DNM2: variants seen among roughly 807,000 people sequenced by gnomAD.
DNM2 encodes dynamin-2.
DNM2 carries 15 observed loss-of-function variants against 99.0 expected under a neutral mutation model. The observed-to-expected ratio is 0.15, with a 90% CI of 0.10 to 0.23. DNM2 has a LOEUF of 0.23. Ranked by LOEUF, DNM2 falls within the 10% of genes least tolerant of loss-of-function variation. The pLI, the probability that DNM2 is intolerant of heterozygous loss-of-function variation, is 1.00. For missense variants in DNM2, 742 were observed against 1,189.4 expected (o/e 0.62, Z 5.53); for synonymous variants, 525 against 481.2 (o/e 1.09, Z -1.19).
chr19:10,776,046 C>A, intron 4 of DNM2, 140 bp downstream of exon 4: 1 of 1,091,662 alleles, frequency 9.2e-7, no homozygotes, highest in Non-Finnish European at 1.3e-6. Context: ...CATGGCACTT[C>A]CTCCGAGAAC....
At chr19:10,791,511 G>C (rs2071751549) in intron 7 of DNM2, among the ~76,000 whole-genome samples, 1 of 152,158 alleles carries the variant, frequency 6.6e-6, no homozygotes, top group African/African-American at 2.4e-5. Context: ...GAGGTACAGG[G>C]GGGCAGGATT....
chr19:10,726,111 C>A (rs562537203), intron 1 of DNM2, among the ~76,000 whole-genome samples: 25 of 150,828 alleles, frequency 1.7e-4, no homozygotes, highest in African/African-American at 5.6e-4. Flanking sequence ...CCCAGCTGCT[C>A]GGGAGGCTGA....
chr19:10,733,104 G>A (rs774697570), intron 1 of DNM2, among the ~76,000 whole-genome samples: 3 of 151,416 alleles, frequency 2.0e-5, no homozygotes, highest in Non-Finnish European at 4.4e-5. Context: ...GGCTAGTCTT[G>A]AACTCCCGAC....
Position 10,816,857 on chromosome 19 carries a change from G to A in DNM2, c.1672-3123G>A, listed in dbSNP as rs1281575607. Among the ~76,000 whole-genome samples, 9 of 152,186 alleles carry A rather than the reference G, an allele frequency of 5.9e-5. No homozygotes were observed. Among genetic ancestry groups the A allele is most frequent in the Non-Finnish European group, 8.8e-5 (6 of 68,030 alleles). On this transcript the variant is annotated intron_variant, in intron 15 of 20. Transcript: ENST00000389253. The surrounding 1 kb of genome is among the most constrained non-coding windows in gnomAD (Gnocchi z 4.6). The stretch of plus-strand genomic sequence containing the variant: ...TCTTCCTTCACGTGAGGGGCCCTTC[G>A]TGTTTTTCTCATCTGAGAGTTGAAA...
chr19:10,723,783 T>C (rs1219410630), intron 1 of DNM2, among the ~76,000 whole-genome samples: 1 of 152,176 alleles, frequency 6.6e-6, no homozygotes, highest in East Asian at 1.9e-4. Flanking sequence ...GAGCTGGCCT[T>C]TCAGCAGGAA....
intron 15 of DNM2, among the ~76,000 whole-genome samples, chr19:10,815,932 C>T (rs561761932): frequency 6.6e-6 from 1 of 152,208 alleles, no homozygotes; most frequent in Non-Finnish European, 1.5e-5. Flanking sequence ...CAAAGAGAGG[C>T]GGGCCTCTTG....
chr19:10,728,684 A>G (rs982641948), intron 1 of DNM2, among the ~76,000 whole-genome samples: 1 of 152,168 alleles, frequency 6.6e-6, no homozygotes, highest in Non-Finnish European at 1.5e-5. Context: ...ACAGGGGCTC[A>G]CACCTGTAAT....
chr19:10,742,896 C>T (rs940222914), intron 1 of DNM2, among the ~76,000 whole-genome samples: 2 of 151,126 alleles, frequency 1.3e-5, no homozygotes, highest in African/African-American at 4.9e-5. Flanking sequence ...CCTGGAGATG[C>T]TAGCTTGTTT....
At position 10,796,845 on chromosome 19, in the gene DNM2, C is replaced by T. The variant is rs890617094; in HGVS notation, c.1197-535C>T. Among the ~76,000 whole-genome samples, 4 of 152,046 alleles carry T rather than the reference C, an allele frequency of 2.6e-5. No individual in the cohort carries two copies. The highest frequency in any genetic ancestry group is 7.2e-5 in the African/African-American group (3 of 41,408). On this transcript the variant is annotated intron_variant, in intron 9 of 20. Transcript: ENST00000389253. The surrounding 1 kb of genome is among the most constrained non-coding windows in gnomAD (Gnocchi z 5.6). ...GCCGGGCTCCCCCAACCCGCGCCAA[C>T]GCCGCGGGCCTGGTTCCCAGGGCAG...
At chr19:10,798,390 TCCC>T in intron 10 of DNM2, 93 bp from the exon 11 acceptor site, 3 of 764,358 alleles carry the variant, frequency 3.9e-6, no homozygotes, top group Non-Finnish European at 6.3e-6. Context: ...CATATCTCAT[TCCC>T]CACCCCCCTC....
chr19:10,765,044 GC>G lies in DNM2; in HGVS notation c.235+5235del, dbSNP rs2070752764. 6.7e-6 allele frequency among the ~76,000 whole-genome samples: 1 copy of G among 149,108 alleles called. No homozygotes were observed. The highest frequency in any genetic ancestry group is 2.1e-4 in the South Asian group (1 of 4,770). ...GCCATCTCAGCTCACTGCAAGCTCC[GC>G]CTCCCGGGTTCACACCATGCTCCTG... On this transcript the variant is annotated intron_variant, in intron 2 of 20. Transcript: ENST00000389253. This position sits in a 1 kb window ranked among gnomAD's most constrained non-coding sequence, Gnocchi z 4.4.
At chr19:10,813,439 G>T (rs1278573146) in intron 15 of DNM2, among the ~76,000 whole-genome samples, 1 of 152,222 alleles carries the variant, frequency 6.6e-6, no homozygotes, top group Non-Finnish European at 1.5e-5. Flanking sequence ...AGTATGTAAT[G>T]ATCACGGCAG....
At chr19:10,759,903 T>C in intron 2 of DNM2, 92 bp downstream of exon 2, 1 of 1,525,732 alleles carries the variant, frequency 6.6e-7, no homozygotes, top group Non-Finnish European at 9.1e-7. Context: ...ACTTGGGTCC[T>C]GGGCTGTCAT....
intron 2 of DNM2, among the ~76,000 whole-genome samples, chr19:10,761,702 G>C (rs185991254): frequency 1.7e-4 from 26 of 152,316 alleles, no homozygotes; most frequent in Admixed American, 2.6e-4. Flanking sequence ...ATGGGCCCCA[G>C]ATCTGGGACC....
chr19:10,831,453 C>T lies in DNM2; in HGVS notation c.*406C>T. On this transcript the variant is annotated 3_prime_UTR_variant, in exon 21 of 21. Transcript: ENST00000389253. The surrounding 1 kb of genome is among the most constrained non-coding windows in gnomAD (Gnocchi z 4.3). ...AGGGCGCCTACATCCCCAGGCCTTG[C>T]TGGGGTGCAGGGGTATATCAACTTC... The T allele has an allele frequency of 1.0e-6, 1 of 1,004,058 alleles. No individual in the cohort carries two copies. The highest frequency in any genetic ancestry group is 4.5e-5 in the South Asian group (1 of 22,454). 62.2% of individuals were successfully genotyped at this position (1,004,058 alleles called of 1,614,324 possible).
At chr19:10,768,453 CA>C (rs202213290) in intron 2 of DNM2, 5 of 151,524 alleles carry the variant, frequency 3.3e-5, no homozygotes, top group Middle Eastern at 3.1e-3. Flanking sequence ...GACTTCGTCT[CA>C]AAAAAAACAA....
chr19:10,777,173 C>A lies in DNM2; in HGVS notation c.645C>A (p.Asp215Glu), dbSNP rs148900299. Residue 215 changes from aspartate to glutamate, a missense_variant, in exon 5 of 21, where the codon GAC becomes GAA. By Grantham distance (45) the Asp-to-Glu change is conservative (BLOSUM62 2). This residue lies in a region of DNM2 where 192 missense variants were observed against 358.9 expected (regional missense o/e 0.54). Coordinates refer to ENST00000389253, the MANE Select transcript of DNM2 (RefSeq NM_001005361.3). ...TKLDLMDEGT[D>E]ARDVLENKLL... ...TTGACCTGATGGACGAGGGCACCGA[C>A]GCCAGGGACGTCTTGGAGAACAAGT... The A allele has an allele frequency of 6.2e-7, 1 of 1,614,180 alleles. No individual in the cohort carries two copies. Among genetic ancestry groups the A allele is most frequent in the Non-Finnish European group, 8.5e-7 (1 of 1,180,038 alleles).
intron 7 of DNM2, among the ~76,000 whole-genome samples, chr19:10,789,471 C>T (rs1291329776): frequency 6.6e-6 from 1 of 151,644 alleles, no homozygotes; most frequent in Non-Finnish European, 1.5e-5. Context: ...AGGAGGATTG[C>T]TTAAAGCCAG....
At chr19:10,741,097 C>T (rs890200530) in intron 1 of DNM2, among the ~76,000 whole-genome samples, 3 of 152,080 alleles carry the variant, frequency 2.0e-5, no homozygotes, top group African/African-American at 4.8e-5. Context: ...TTATTGGTTT[C>T]GTATTTTCTA....
Sources: gnomAD v4.1 joint callset for allele counts (sites outside exome capture counted in the v4.1 genomes callset) on GRCh38, gnomAD v4.1.1 for gene constraint, gnomAD v4.1.1 regional missense constraint, Gnocchi (gnomAD v3.1) non-coding constraint, MANE v1.5 for transcripts, NCBI Gene and HGNC (gene_info 2026-07-23, HGNC 2026-07-21) for gene names.